LNPEP: variants seen among roughly 807,000 people sequenced by gnomAD.
LNPEP encodes leucyl and cystinyl aminopeptidase.
Under a neutral mutation model 120.6 loss-of-function variants are expected in LNPEP, and 64 were observed. That is an observed-to-expected ratio of 0.53 (90% confidence interval 0.43 to 0.65). The LOEUF is 0.65. LNPEP is among the 30% of genes least tolerant of loss of function. The probability of loss-of-function intolerance (pLI) is 0.00; values close to 1 mark genes in which losing one functional copy is unlikely to be tolerated. For synonymous variants in LNPEP, 435 were observed against 425.4 expected, an observed-to-expected ratio of 1.02 and a Z score of -0.28; for missense variants, 1,057 against 1,200.0, an observed-to-expected ratio of 0.88 and a Z score of 1.76.
At chr5:96,951,263 GGC>G (rs1789313322) in intron 1 of LNPEP, among the ~76,000 whole-genome samples, 2 of 100,500 alleles carry the variant, frequency 2.0e-5, no homozygotes, top group Admixed American at 2.1e-4. Flanking sequence ...TTCTTTTTTT[GGC>G]GGGGGGCGCG....
intron 1 of LNPEP, 44 bp downstream of exon 1, chr5:96,936,218 C>G: frequency 7.2e-7 from 1 of 1,397,276 alleles, no homozygotes; most frequent in Non-Finnish European, 9.3e-7. Flanking sequence ...TCTCCGGAGC[C>G]CTGAGGGTCG....
At chr5:96,996,913 T>C (rs979166569) in intron 7 of LNPEP, among the ~76,000 whole-genome samples, 1 of 152,114 alleles carries the variant, frequency 6.6e-6, no homozygotes, top group African/African-American at 2.4e-5. Flanking sequence ...AAACATTTTA[T>C]AGCAATACTG....
intron 1 of LNPEP, among the ~76,000 whole-genome samples, chr5:96,955,718 A>T (rs767146761): frequency 1.4e-4 from 21 of 152,240 alleles, no homozygotes; most frequent in Non-Finnish European, 2.9e-4. Flanking sequence ...ATTTGTTTTC[A>T]GCTTGGGGCT....
chr5:97,001,068 G>A (rs554521013), intron 8 of LNPEP, among the ~76,000 whole-genome samples: 23 of 152,312 alleles, frequency 1.5e-4, no homozygotes, highest in Admixed American at 4.6e-4. Flanking sequence ...TAAGTGAAAC[G>A]AAAAGCAATT....
chr5:97,024,665 T>C lies in LNPEP; in HGVS notation c.2706T>C (p.Asp902=). 6.2e-7 allele frequency: 1 copy of C among 1,613,788 alleles called. No homozygotes were observed. Among genetic ancestry groups the C allele is most frequent in the South Asian group, 1.1e-5 (1 of 91,044 alleles). Residue 902 remains aspartate, a synonymous_variant, in exon 15 of 18, where the codon GAT becomes GAC. Coordinates refer to ENST00000231368, the MANE Select transcript of LNPEP (RefSeq NM_005575.3). ...TAGAAGCACTTGCCAGCTCAGAGGATGTGCGGAAGCTTTACTGGTATGAAA... is the reference window on the plus strand; with the variant it reads ...TAGAAGCACTTGCCAGCTCAGAGGACGTGCGGAAGCTTTACTGGTATGAAA... The part of the protein sequence containing the change: ...KILEALASSE[D]VRKLYWLMKS...
At chr5:97,026,442 T>A (rs1324249060) in intron 15 of LNPEP, among the ~76,000 whole-genome samples, 175 bp from the exon 16 acceptor site, 1 of 152,216 alleles carries the variant, frequency 6.6e-6, no homozygotes, top group Admixed American at 6.5e-5. Flanking sequence ...AGTTCTTTCT[T>A]CATTTAAAAA....
Position 97,006,056 on chromosome 5 carries a change from A to ATG in LNPEP, c.1786-16_1786-15insGT. ...TTTAAGGAAAAAGTTTTATATATATATATATATATTTTGTAGGTCACAAAC... is the reference window on the plus strand; with the variant it reads ...TTTAAGGAAAAAGTTTTATATATATATGTATATATATTTTGTAGGTCACAAAC... On this transcript the variant is annotated splice_polypyrimidine_tract_variant and intron_variant, in intron 9 of 17. Transcript: ENST00000231368. 1.0e-6 allele frequency: 1 copy of ATG among 983,672 alleles called. No individual in the cohort carries two copies. The highest frequency in any genetic ancestry group is 1.4e-6 in the Non-Finnish European group (1 of 736,916). 60.9% of individuals were successfully genotyped at this position (983,672 alleles called of 1,614,324 possible). A position where few individuals can be genotyped will look rare whatever the true frequency, so the allele number is the denominator to read the frequency against.
intron 1 of LNPEP, among the ~76,000 whole-genome samples, chr5:96,956,919 T>G (rs146725971): frequency 3.3e-4 from 50 of 152,332 alleles, no homozygotes; most frequent in African/African-American, 1.2e-3. Flanking sequence ...ACCATTCTGC[T>G]CTTCAGGCCA....
chr5:96,945,682 A>G (rs1789170928), intron 1 of LNPEP, among the ~76,000 whole-genome samples: 1 of 152,092 alleles, frequency 6.6e-6, no homozygotes, highest in Non-Finnish European at 1.5e-5. Context: ...CAAAGGGAGG[A>G]GAGTATAATG....
chr5:96,964,558 G>C (rs938209329), intron 1 of LNPEP, among the ~76,000 whole-genome samples: 1 of 152,012 alleles, frequency 6.6e-6, no homozygotes. Context: ...TATTCAGTAT[G>C]AATATACCTA....
In LNPEP at chr5:97,030,271, ATC is replaced by A. The variant is rs1791441681; in HGVS notation, c.*1740_*1741del. On this transcript the variant is annotated 3_prime_UTR_variant, in exon 18 of 18. Transcript: ENST00000231368. The stretch of plus-strand genomic sequence containing the variant: ...ATTATATCCTGAGAATCACAGAATC[ATC>A]TAAATATGTCTTATTCAACTGAAGT... The A allele has an allele frequency of 6.6e-6, 1 of 152,194 alleles. No individual in the cohort carries two copies. Among genetic ancestry groups the A allele is most frequent in the Non-Finnish European group, 1.5e-5 (1 of 68,014 alleles). 9.4% of individuals were successfully genotyped at this position (152,194 alleles called of 1,614,324 possible).
At chr5:96,976,891 A>G (rs1790011828) in intron 1 of LNPEP, among the ~76,000 whole-genome samples, 1 of 151,300 alleles carries the variant, frequency 6.6e-6, no homozygotes. Context: ...GAAGTGTATG[A>G]CCCAAAACAC....
rs867104554 is a variant in LNPEP at position 96,954,747 on chromosome 5, C to T, written c.19+18573C>T. Among the ~76,000 whole-genome samples the T allele has an allele frequency of 1.9e-3, 83 of 43,060 alleles. 7 individuals carry two copies. Among genetic ancestry groups the T allele is most frequent in the Admixed American group, 3.4e-3 (10 of 2,950 alleles). 28.2% of individuals were successfully genotyped at this position (43,060 alleles called of 152,430 possible). Reference sequence around the variant, plus strand: ...ACATATATATATACATATATATATACACATATATATATATATATATATATA... The same window carrying T: ...ACATATATATATACATATATATATATACATATATATATATATATATATATA... On this transcript the variant is annotated intron_variant, in intron 1 of 17. Coordinates refer to ENST00000231368, the MANE Select transcript of LNPEP (RefSeq NM_005575.3).
At chr5:97,016,806 A>G (rs770565301) in intron 13 of LNPEP, among the ~76,000 whole-genome samples, 7 of 152,272 alleles carry the variant, frequency 4.6e-5, no homozygotes, top group African/African-American at 9.6e-5. Context: ...GTATGCAAAT[A>G]GCTTACTCAT....
In LNPEP at chr5:97,021,918, C is replaced by CTTTTT. The variant is rs1561455270; in HGVS notation, c.2377-378_2377-377insTTTTT. 3.2e-4 allele frequency among the ~76,000 whole-genome samples: 16 copies of CTTTTT among 50,014 alleles called. No homozygotes were observed. In the South Asian group the frequency reaches 3.3e-3, roughly 10 times the overall value. The allele number at this position is 50,014 out of a possible 152,430, so 32.8% of individuals were successfully genotyped here. The stretch of plus-strand genomic sequence containing the variant: ...TCCTGGGGTTTTTTTTGTTTTTTGT[C>CTTTTT]TTTTGTTTTTTTTTTTTTTTTTTTT... On this transcript the variant is annotated intron_variant, in intron 13 of 17. Coordinates refer to ENST00000231368, the MANE Select transcript of LNPEP (RefSeq NM_005575.3).
intron 1 of LNPEP, among the ~76,000 whole-genome samples, chr5:96,951,152 C>T (rs1789309796): frequency 6.6e-6 from 1 of 151,888 alleles, no homozygotes; most frequent in South Asian, 2.1e-4. Flanking sequence ...GACACCAATC[C>T]TATTGGATTA....
Position 96,979,646 on chromosome 5 carries a change from C to G in LNPEP, c.528C>G (p.Arg176=), listed in dbSNP as rs749341751. The change falls in exon 2 of 18, where the codon CGC becomes CGG. Residue 176 remains arginine (R), a synonymous_variant. Transcript: ENST00000231368. ...IRLPTAVVPL[R]YELSLHPNLT... Reference sequence around the variant, plus strand: ...TTCCCACTGCCGTTGTGCCACTACGCTATGAACTCAGCCTACACCCGAACC... The same window carrying G: ...TTCCCACTGCCGTTGTGCCACTACGGTATGAACTCAGCCTACACCCGAACC... 1.9e-6 allele frequency: 3 copies of G among 1,614,100 alleles called. No individual in the cohort carries two copies. Among genetic ancestry groups the G allele is most frequent in the Middle Eastern group, 1.7e-4 (1 of 6,060 alleles).
rs894466101 is a variant in LNPEP at position 96,971,840 on chromosome 5, T to A, written c.20-7298T>A. Among the ~76,000 whole-genome samples, 6 of 152,070 alleles carry A rather than the reference T, an allele frequency of 3.9e-5. No homozygotes were observed. In the East Asian group the frequency reaches 1.2e-3, roughly 29 times the overall value. ...CCTTTTTAAAATACATCTTCCTGCT[T>A]AATGATGGGGATACAATTGAAAAAT... On this transcript the variant is annotated intron_variant, in intron 1 of 17. Coordinates refer to ENST00000231368, the MANE Select transcript of LNPEP (RefSeq NM_005575.3).
chr5:96,993,053 T>C lies in LNPEP; in HGVS notation c.1170T>C (p.Val390=). 1 of 1,598,456 alleles carries C rather than the reference T, an allele frequency of 6.3e-7. No individual in the cohort carries two copies. Among genetic ancestry groups the C allele is most frequent in the Non-Finnish European group, 8.6e-7 (1 of 1,168,786 alleles). The change falls in exon 5 of 18, where the codon GTT becomes GTC. Residue 390 remains valine (V), a synonymous_variant. Coordinates refer to ENST00000231368, the MANE Select transcript of LNPEP (RefSeq NM_005575.3). ...CTGTACCAGAAAAGATTGGTCAAGT[T>C]CATTATGCCTTGGAAACAACTGTGA... ...IYAVPEKIGQ[V]HYALETTVKL...
Sources: gnomAD v4.1 joint callset for allele counts (sites outside exome capture counted in the v4.1 genomes callset) on GRCh38, gnomAD v4.1.1 for gene constraint, MANE v1.5 for transcripts, NCBI Gene and HGNC (gene_info 2026-07-23, HGNC 2026-07-21) for gene names.